HMGXB3: variants seen among roughly 807,000 people sequenced by gnomAD.
HMGXB3 encodes HMG-box containing 3.
In HMGXB3, 45 loss-of-function variants were observed where a neutral mutation model predicts 121.5. The observed-to-expected ratio is 0.37, with a 90% CI of 0.29 to 0.47. The LOEUF is 0.47. HMGXB3 is among the 20% of genes least tolerant of loss of function. The pLI, the probability that HMGXB3 is intolerant of heterozygous loss-of-function variation, is 0.99. For missense variants in HMGXB3, 1,376 were observed against 1,602.2 expected (o/e 0.86, Z 2.41); for synonymous variants, 590 against 624.1 (o/e 0.95, Z 0.81).
At chr5:150,012,107 T>C (rs1755853555) in intron 4 of HMGXB3, 148 bp from the exon 5 acceptor site, 1 of 605,798 alleles carries the variant, frequency 1.7e-6, no homozygotes, top group Non-Finnish European at 3.0e-6. Context: ...CTTTTTGAGA[T>C]AATCATAAAT....
chr5:150,051,460 C>T (rs905663848), intron 19 of HMGXB3, among the ~76,000 whole-genome samples: 2 of 152,188 alleles, frequency 1.3e-5, no homozygotes, highest in African/African-American at 4.8e-5. Context: ...CTTTCTGCTC[C>T]CCTGCAGCCA....
rs114546616 is a variant in HMGXB3, at chr5:150,037,489, A to G, written c.2375A>G (p.His792Arg). 1.7e-4 allele frequency: 268 copies of G among 1,550,926 alleles called. No individual in the cohort carries two copies. The African/African-American group carries it at 3.0e-3, about 17-fold the overall frequency. The change falls in exon 13 of 20, where the codon CAT becomes CGT. Residue 792 changes from histidine (H) to arginine (R), a missense_variant. Physicochemically the swap from His to Arg is conservative, Grantham distance 29. Coordinates refer to ENST00000502717, the MANE Select transcript of HMGXB3 (RefSeq NM_014983.3). ...CAGGTGAAGATGTGTCTGAACCCCC[A>G]TTGTCTGGCCCTGCACAGCTTCATA... ...TAQVKMCLNP[H>R]CLALHSFIDI...
At chr5:150,021,815 C>A in intron 6 of HMGXB3, 1 of 507,502 alleles carries the variant, frequency 2.0e-6, no homozygotes, top group Non-Finnish European at 3.9e-6. Flanking sequence ...CAAGTCAGCA[C>A]ACATCTTCTC....
rs1299978447 is a variant in HMGXB3, at chr5:150,052,255, A to G, written c.*63A>G. The stretch of plus-strand genomic sequence containing the variant: ...CCATAGTAAGGCCCTTGCCTGAGGC[A>G]GAGCTATCCAGGGGACCTGCAGAAG... On this transcript the variant is annotated 3_prime_UTR_variant, in exon 20 of 20. Transcript: ENST00000502717. The G allele has an allele frequency of 1.5e-6, 2 of 1,315,278 alleles. No individual in the cohort carries two copies. The highest frequency in any genetic ancestry group is 2.9e-5 in the African/African-American group (2 of 68,706). The allele number at this position is 1,315,278 out of a possible 1,614,324, so 81.5% of individuals were successfully genotyped here. A position where few individuals can be genotyped will look rare whatever the true frequency, so the allele number is the denominator to read the frequency against.
rs70973560 is a variant in HMGXB3, at chr5:150,008,055, TCACACACACA to T, written c.312+1443_312+1452del. Among the ~76,000 whole-genome samples the T allele has an allele frequency of 3.5e-3, 449 of 130,108 alleles. 2 individuals are homozygous for T. Among genetic ancestry groups the T allele is most frequent in the Non-Finnish European group, 4.9e-3 (298 of 61,000 alleles). The allele number at this position is 130,108 out of a possible 152,430, so 85.4% of individuals were successfully genotyped here. On this transcript the variant is annotated intron_variant, in intron 3 of 19. Coordinates refer to ENST00000502717, the MANE Select transcript of HMGXB3 (RefSeq NM_014983.3). ...CTGGGCAACAGAGTGAGACTCTGTT[TCACACACACA>T]CACACACACACACACACACACACAC...
Position 150,040,880 on chromosome 5 carries a change from G to A in HMGXB3, c.2545+1G>A. The A allele has an allele frequency of 6.5e-7, 1 of 1,545,492 alleles. No individual in the cohort carries two copies. The highest frequency in any genetic ancestry group is 8.7e-7 in the Non-Finnish European group (1 of 1,144,846). On this transcript the variant is annotated splice_donor_variant, in intron 14 of 19. Coordinates refer to ENST00000502717, the MANE Select transcript of HMGXB3 (RefSeq NM_014983.3). LOFTEE classifies it high-confidence loss of function. Reference sequence around the variant, plus strand: ...CTGAAGTCGGTGCAGGAGCAGACAGGTAAAAGTTGTTTTCTTCCCTTTCCC... The same window carrying A: ...CTGAAGTCGGTGCAGGAGCAGACAGATAAAAGTTGTTTTCTTCCCTTTCCC...
At position 150,052,412 on chromosome 5, in the gene HMGXB3, T is replaced by G; in HGVS notation, c.*220T>G. 1 of 553,534 alleles carries G rather than the reference T, an allele frequency of 1.8e-6. No individual in the cohort carries two copies. The highest frequency in any genetic ancestry group is 2.5e-5 in the South Asian group (1 of 40,354). 34.3% of individuals were successfully genotyped at this position (553,534 alleles called of 1,614,324 possible). A position where few individuals can be genotyped will look rare whatever the true frequency, so the allele number is the denominator to read the frequency against. On this transcript the variant is annotated 3_prime_UTR_variant, in exon 20 of 20. Transcript: ENST00000502717. The stretch of plus-strand genomic sequence containing the variant: ...AGGAGTGGTACCAGGAAACCTCTTC[T>G]GGCCCCGAGAGAGCACTTGGGGGAC...
intron 15 of HMGXB3, among the ~76,000 whole-genome samples, chr5:150,043,465 C>T (rs1213542837): frequency 6.6e-6 from 1 of 152,190 alleles, no homozygotes; most frequent in Non-Finnish European, 1.5e-5. Context: ...CAGGCAGGTG[C>T]AGAACCTGTA....
At chr5:150,051,290 A>G (rs1260652895) in intron 19 of HMGXB3, among the ~76,000 whole-genome samples, 3 of 152,060 alleles carry the variant, frequency 2.0e-5, no homozygotes, top group Non-Finnish European at 2.9e-5. Context: ...AGGGAAGAAT[A>G]ACAAAGGTTG....
chr5:150,037,980 C>T lies in HMGXB3; in HGVS notation c.2413+453C>T, dbSNP rs543340603. On this transcript the variant is annotated intron_variant, in intron 13 of 19. Transcript: ENST00000502717. ...AATGTGCTTTTTAAACTTAGGGGTACATTGTGGGCATCTTCCTGTGCCAGC... is the reference window on the plus strand; with the variant it reads ...AATGTGCTTTTTAAACTTAGGGGTATATTGTGGGCATCTTCCTGTGCCAGC... Among the ~76,000 whole-genome samples the T allele has an allele frequency of 4.3e-4, 65 of 152,246 alleles. 1 individual carries two copies. In the South Asian group the frequency reaches 0.013, roughly 30 times the overall value.
At chr5:150,038,734 G>A (rs117197423) in intron 13 of HMGXB3, among the ~76,000 whole-genome samples, 2 of 152,302 alleles carry the variant, frequency 1.3e-5, no homozygotes, top group East Asian at 3.9e-4. Flanking sequence ...CTTTCAGTAA[G>A]TTAATCCTTT....
intron 16 of HMGXB3, among the ~76,000 whole-genome samples, chr5:150,046,275 C>T (rs773436806): frequency 5.9e-5 from 9 of 152,122 alleles, no homozygotes; most frequent in African/African-American, 1.7e-4. Flanking sequence ...TGAGCTAATG[C>T]GGTTAGAGTG....
At chr5:150,040,444 G>C (rs1334509092) in intron 13 of HMGXB3, among the ~76,000 whole-genome samples, 1 of 152,044 alleles carries the variant, frequency 6.6e-6, no homozygotes, top group Non-Finnish European at 1.5e-5. Context: ...TGTCCAGGCT[G>C]GTCTTGAACT....
intron 5 of HMGXB3, among the ~76,000 whole-genome samples, chr5:150,013,619 C>A (rs777313003): frequency 6.6e-5 from 10 of 152,102 alleles, no homozygotes; most frequent in South Asian, 2.1e-4. Context: ...GTAGTATTAC[C>A]AGTGAAGTCA....
chr5:150,039,122 G>A (rs1287925808), intron 13 of HMGXB3, among the ~76,000 whole-genome samples: 6 of 152,168 alleles, frequency 3.9e-5, no homozygotes, highest in African/African-American at 1.4e-4. Context: ...TTGTTTTTCA[G>A]CCATTCTAAT....
rs1332381059 is a variant in HMGXB3, at chr5:150,053,059, T to C, written c.*867T>C. ...GGCCTGGGAATTGGCCATGTGTTAA[T>C]TTATTGAGTGGAGTAGGTGGCTTTT... is the stretch of plus-strand genomic sequence containing the variant. On this transcript the variant is annotated 3_prime_UTR_variant, in exon 20 of 20. Coordinates refer to ENST00000502717, the MANE Select transcript of HMGXB3 (RefSeq NM_014983.3). The C allele has an allele frequency of 5.7e-6, 1 of 173,962 alleles. No homozygotes were observed. Among genetic ancestry groups the C allele is most frequent in the Non-Finnish European group, 1.2e-5 (1 of 80,496 alleles). 10.8% of individuals were successfully genotyped at this position (173,962 alleles called of 1,614,324 possible).
chr5:150,019,004 T>C (rs1170925228), intron 6 of HMGXB3, among the ~76,000 whole-genome samples: 1 of 152,062 alleles, frequency 6.6e-6, no homozygotes, highest in Non-Finnish European at 1.5e-5. Flanking sequence ...TCTTTTTTTT[T>C]TCCAGTAGAG....
chr5:150,019,439 A>C (rs1288540379), intron 6 of HMGXB3, among the ~76,000 whole-genome samples: 1 of 152,200 alleles, frequency 6.6e-6, no homozygotes, highest in Non-Finnish European at 1.5e-5. Context: ...AATGAGCATC[A>C]CTGCTGTGCC....
chr5:150,036,622 C>T lies in HMGXB3; in HGVS notation c.1984-14C>T. The T allele has an allele frequency of 6.6e-7, 1 of 1,522,820 alleles. No individual in the cohort carries two copies. Among genetic ancestry groups the T allele is most frequent in the African/African-American group, 1.4e-5 (1 of 72,306 alleles). The allele number at this position is 1,522,820 out of a possible 1,614,324, so 94.3% of individuals were successfully genotyped here. ...TGCTCTGAGTGCTTGGTGATCAATC[C>T]ACTCTCTTCCCAGGAGGTGAGCTCA... On this transcript the variant is annotated splice_polypyrimidine_tract_variant and intron_variant, in intron 11 of 19. Transcript: ENST00000502717.
Sources: gnomAD v4.1 joint callset for allele counts (sites outside exome capture counted in the v4.1 genomes callset) on GRCh38, gnomAD v4.1.1 for gene constraint, MANE v1.5 for transcripts, NCBI Gene and HGNC (gene_info 2026-07-23, HGNC 2026-07-21) for gene names.